TNRC6C: variants seen among roughly 807,000 people sequenced by gnomAD.
The protein encoded by TNRC6C is trinucleotide repeat containing adaptor 6C, also known as trinucleotide repeat-containing gene 6C protein.
A neutral mutation model predicts 153.7 loss-of-function variants in TNRC6C; 20 were observed. The ratio of observed to expected loss-of-function variants is 0.13; its 90% confidence interval spans 0.09 to 0.19. The LOEUF (loss-of-function observed/expected upper bound fraction) is 0.19. Ranked by LOEUF, TNRC6C falls within the 10% of genes least tolerant of loss-of-function variation. TNRC6C has a pLI of 1.00. For missense variants in TNRC6C, 1,987 were observed against 2,172.0 expected, an observed-to-expected ratio of 0.91 and a Z score of 1.69; for synonymous variants, 811 against 841.4, an observed-to-expected ratio of 0.96 and a Z score of 0.63.
At chr17:78,032,524 G>A (rs988784417) in intron 2 of TNRC6C, among the ~76,000 whole-genome samples, 2 of 152,178 alleles carry the variant, frequency 1.3e-5, no homozygotes, top group Non-Finnish European at 2.9e-5. Context: ...TTTTGGAAGA[G>A]AACAAAGTAT....
rs772926199 is a variant in TNRC6C at position 78,093,769 on chromosome 17, G to A, written c.4306+6G>A. On this transcript the variant is annotated splice_donor_region_variant and intron_variant, in intron 16 of 19. Transcript: ENST00000301624. The stretch of plus-strand genomic sequence containing the variant: ...CTACCTCCTCAAGAGTGGAGGTGAG[G>A]GTGCTGCTCTTCCTGCCTCTGCATG... 1.2e-6 allele frequency: 2 copies of A among 1,613,604 alleles called. No homozygotes were observed. The highest frequency in any genetic ancestry group is 1.1e-5 in the South Asian group (1 of 91,072).
chr17:77,975,124 A>G (rs2070980497), intron 1 of TNRC6C, among the ~76,000 whole-genome samples: 1 of 152,208 alleles, frequency 6.6e-6, no homozygotes, highest in Admixed American at 6.5e-5. Context: ...GGGGAAAAAA[A>G]TTCTTCCATG....
At chr17:78,066,551 A>G (rs1004048153) in intron 4 of TNRC6C, 13 of 152,146 alleles carry the variant, frequency 8.5e-5, no homozygotes, top group African/African-American at 2.9e-4. Flanking sequence ...TGCCTATTCC[A>G]TATGTTTATC....
chr17:78,035,958 G>A (rs1008582963), intron 2 of TNRC6C, among the ~76,000 whole-genome samples: 1 of 151,820 alleles, frequency 6.6e-6, no homozygotes, highest in Non-Finnish European at 1.5e-5. Flanking sequence ...TGACTCCTAC[G>A]GTCACTTCTA....
intron 5 of TNRC6C, among the ~76,000 whole-genome samples, chr17:78,070,626 G>A (rs9890356): frequency 0.021 from 3,268 of 152,026 alleles, 126 homozygotes; most frequent in African/African-American, 0.073. Context: ...AAAATTAACA[G>A]GTTGTTTCAT....
At chr17:78,034,339 G>T (rs1260859855) in intron 2 of TNRC6C, among the ~76,000 whole-genome samples, 1 of 151,796 alleles carries the variant, frequency 6.6e-6, no homozygotes, top group South Asian at 2.1e-4. Flanking sequence ...TTCCAGGCGT[G>T]AGCCACCACC....
intron 11 of TNRC6C, 142 bp from the exon 14 acceptor site, chr17:78,086,357 AAAAC>A (rs77194075): frequency 1.3e-4 from 59 of 452,116 alleles, no homozygotes; most frequent in East Asian, 4.8e-4. Flanking sequence ...AAAAAAAAAA[AAAAC>A]AGTATGTGTC....
At position 78,028,434 on chromosome 17, in the gene TNRC6C, T is replaced by A. The variant is rs368370403; in HGVS notation, c.-545-3082T>A. 2.6e-4 allele frequency among the ~76,000 whole-genome samples: 40 copies of A among 152,252 alleles called. 1 individual carries two copies. The East Asian group carries it at 6.0e-3, about 23-fold the overall frequency. ...CCATGCATTCGTAGCAGTACCAAAC[T>A]GCATGTCACATGATTTTCTTGAGAG... On this transcript the variant is annotated intron_variant, in intron 1 of 19. Transcript: ENST00000301624.
At chr17:78,102,527 C>A (rs202000491) in exon 18 of TNRC6C, 8 of 1,604,258 alleles carry the variant, frequency 5.0e-6, no homozygotes, top group African/African-American at 2.7e-5. Flanking sequence ...GCTCGTTCTT[C>A]GAAACCTCAC....
intron 1 of TNRC6C, among the ~76,000 whole-genome samples, chr17:77,962,956 G>C (rs1019553386): frequency 2.0e-5 from 3 of 152,222 alleles, no homozygotes; most frequent in Non-Finnish European, 4.4e-5. Context: ...AAAATATCAG[G>C]TGAGAAGTGG....
chr17:77,968,636 C>G (rs1220578452), intron 1 of TNRC6C, among the ~76,000 whole-genome samples: 1 of 152,236 alleles, frequency 6.6e-6, no homozygotes, highest in Non-Finnish European at 1.5e-5. Context: ...AGCCACCGTG[C>G]CCGGCCCGAG....
chr17:77,990,597 C>A (rs575245913), intron 1 of TNRC6C, among the ~76,000 whole-genome samples: 2 of 152,170 alleles, frequency 1.3e-5, no homozygotes, highest in African/African-American at 4.8e-5. Context: ...GACCTCCTGA[C>A]CAGCCAGAAT....
chr17:77,977,049 T>G (rs948446899), intron 1 of TNRC6C, among the ~76,000 whole-genome samples: 57 of 151,208 alleles, frequency 3.8e-4, no homozygotes, highest in African/African-American at 1.4e-3. Context: ...ATTGTATTAA[T>G]CATTATATGA....
rs192558470 is a variant in TNRC6C, at chr17:78,102,604, C to T, written c.4572+60C>T. The stretch of plus-strand genomic sequence containing the variant: ...TCCAGGGAGGGTTCCCGCTTGGCCC[C>T]CAATGCAGATGAGGCTGTCTGGTGG... On this transcript the variant is annotated intron_variant, in intron 18 of 19. Transcript: ENST00000301624. 55 of 1,521,288 alleles carry T rather than the reference C, an allele frequency of 3.6e-5. 1 individual carries two copies. In the East Asian group the frequency reaches 1.2e-3, roughly 33 times the overall value. The allele number at this position is 1,521,288 out of a possible 1,614,324, so 94.2% of individuals were successfully genotyped here.
At chr17:77,990,311 A>G (rs1396248888) in intron 1 of TNRC6C, among the ~76,000 whole-genome samples, 2 of 152,194 alleles carry the variant, frequency 1.3e-5, no homozygotes, top group African/African-American at 4.8e-5. Flanking sequence ...AGCCAGAATG[A>G]TCTCATCAAT....
chr17:77,978,198 A>T lies in TNRC6C; in HGVS notation c.-38+18930A>T, dbSNP rs940307929. 1.6e-4 allele frequency among the ~76,000 whole-genome samples: 25 copies of T among 152,256 alleles called. No individual in the cohort carries two copies. In the East Asian group the frequency reaches 1.9e-3, roughly 12 times the overall value. On this transcript the variant is annotated intron_variant, in intron 1 of 22. Coordinates refer to the TNRC6C transcript ENST00000636222. ...AGGCGTGAGCCACCGCGCCCGGCCT[A>T]AAACCTCTTTCTAAAGAGAATTTGA... is the stretch of plus-strand genomic sequence containing the variant.
chr17:78,050,889 G>A (rs1324715266), exon 3 of TNRC6C: 1 of 1,613,972 alleles, frequency 6.2e-7, no homozygotes, highest in African/African-American at 1.3e-5. Flanking sequence ...TTGGACACTT[G>A]GGGGATGGGA....
intron 1 of TNRC6C, among the ~76,000 whole-genome samples, chr17:78,018,266 A>G (rs1376845618): frequency 6.6e-6 from 1 of 152,136 alleles, no homozygotes; most frequent in Non-Finnish European, 1.5e-5. Context: ...AGCTGGGACT[A>G]CAGGTGTGCA....
chr17:78,011,776 G>A (rs982869174), intron 1 of TNRC6C, among the ~76,000 whole-genome samples: 2 of 152,164 alleles, frequency 1.3e-5, no homozygotes, highest in Non-Finnish European at 2.9e-5. Context: ...TTCCCAACGT[G>A]TTTATACTGT....
Sources: allele counts gnomAD v4.1 joint callset (sites outside exome capture counted in the v4.1 genomes callset), GRCh38; gene constraint gnomAD v4.1.1; transcripts MANE v1.5; gene names NCBI Gene and HGNC (gene_info 2026-07-23, HGNC 2026-07-21).